Variants in BRINP1 observed in about 807,000 individuals in gnomAD.
BRINP1 encodes the protein BMP/retinoic acid inducible neural specific 1, also known as BMP/retinoic acid-inducible neural-specific protein 1.
A neutral mutation model predicts 72.9 loss-of-function variants in BRINP1; 17 were observed. The observed-to-expected ratio is 0.23, with a 90% CI of 0.16 to 0.35. The LOEUF (loss-of-function observed/expected upper bound fraction) is 0.35, where lower values mean the gene tolerates loss of function less well. Ranked by LOEUF, BRINP1 falls within the 10% of genes least tolerant of loss-of-function variation. BRINP1 has a pLI of 1.00. For missense variants in BRINP1, 850 were observed against 1,001.6 expected (o/e 0.85, Z 2.04); for synonymous variants, 418 against 378.5 (o/e 1.10, Z -1.21).
chr9:119,249,533 G>A (rs1415034393), intron 2 of BRINP1, among the ~76,000 whole-genome samples: 1 of 151,960 alleles, frequency 6.6e-6, no homozygotes, highest in Non-Finnish European at 1.5e-5. Flanking sequence ...AAATTTTCAT[G>A]GTATTTTATA....
At chr9:119,191,093 T>A (rs1049083676) in intron 7 of BRINP1, among the ~76,000 whole-genome samples, 1 of 152,004 alleles carries the variant, frequency 6.6e-6, no homozygotes, top group Non-Finnish European at 1.5e-5. Flanking sequence ...ACATTTTTTC[T>A]TGTTAAAACT....
At chr9:119,359,536 A>G (rs912447378) in intron 1 of BRINP1, among the ~76,000 whole-genome samples, 1 of 152,228 alleles carries the variant, frequency 6.6e-6, no homozygotes, top group African/African-American at 2.4e-5. Context: ...CATTTTACAG[A>G]TAAGAAAACT....
chr9:119,325,019 GAA>G (rs1353299104), intron 1 of BRINP1, among the ~76,000 whole-genome samples: 5 of 152,022 alleles, frequency 3.3e-5, no homozygotes, highest in Non-Finnish European at 7.4e-5. Flanking sequence ...AGAATTGCTT[GAA>G]CCAGGGAGGC....
chr9:119,357,039 T>A (rs1021961838), intron 1 of BRINP1, among the ~76,000 whole-genome samples: 1 of 152,246 alleles, frequency 6.6e-6, no homozygotes, highest in Admixed American at 6.5e-5. Flanking sequence ...TTACATTTAT[T>A]GGTCACATGT....
At position 119,208,772 on chromosome 9, in the gene BRINP1, G is replaced by A. The variant is rs764461621; in HGVS notation, c.1092C>T (p.Phe364=). The change falls in exon 7 of 8, where the codon TTC becomes TTT. Residue 364 remains phenylalanine (F), a synonymous_variant. Coordinates refer to ENST00000265922, the MANE Select transcript of BRINP1 (RefSeq NM_014618.3). ...QKIQRTARKL[F]GLSVRCRHNP... is the part of the protein sequence containing the mutation. ...TGTGGCGACAGCGTACACTGAGGCC[G>A]AAAAGCTTGCGGGCAGTGCGTTGGA... 13 of 1,613,990 alleles carry A rather than the reference G, an allele frequency of 8.1e-6. No individual in the cohort carries two copies. Among genetic ancestry groups the A allele is most frequent in the East Asian group, 2.2e-5 (1 of 44,862 alleles).
chr9:119,208,942 C>A lies in BRINP1; in HGVS notation c.923-1G>T, dbSNP rs1359068244. On this transcript the variant is annotated splice_acceptor_variant, in intron 6 of 7. Coordinates refer to ENST00000265922, the MANE Select transcript of BRINP1 (RefSeq NM_014618.3). LOFTEE classifies it high-confidence loss of function. ...CGCTTCATAAATGATTTAAACTCAT[C>A]TAGTGAGAGACAAAGGCCGAGAGAG... 6.2e-7 allele frequency: 1 copy of A among 1,612,240 alleles called. No individual in the cohort carries two copies. Among genetic ancestry groups the A allele is most frequent in the Admixed American group, 1.7e-5 (1 of 60,016 alleles).
chr9:119,300,520 G>C (rs1246608499), intron 2 of BRINP1, among the ~76,000 whole-genome samples: 2 of 151,874 alleles, frequency 1.3e-5, no homozygotes, highest in African/African-American at 4.8e-5. Context: ...CAAGAATTAA[G>C]AACAAAAAAT....
intron 5 of BRINP1, among the ~76,000 whole-genome samples, chr9:119,229,742 G>C (rs969919955): frequency 2.0e-5 from 3 of 152,120 alleles, no homozygotes; most frequent in Non-Finnish European, 4.4e-5. Context: ...AGGCCCTCAG[G>C]AAATGGTCAT....
chr9:119,369,175 G>A lies in BRINP1; in HGVS notation c.-170C>T. 1 of 398,806 alleles carries A rather than the reference G, an allele frequency of 2.5e-6. No homozygotes were observed. The highest frequency in any genetic ancestry group is 4.4e-6 in the Non-Finnish European group (1 of 226,194). The allele number at this position is 398,806 out of a possible 1,614,324, so 24.7% of individuals were successfully genotyped here. A position where few individuals can be genotyped will look rare whatever the true frequency, so the allele number is the denominator to read the frequency against. On this transcript the variant is annotated 5_prime_UTR_variant, in exon 1 of 8. Coordinates refer to ENST00000265922, the MANE Select transcript of BRINP1 (RefSeq NM_014618.3). ...TTCCGGGCACGGCGCGGGGACTGCA[G>A]GCGTGGGGGTACCTGGCTCCTAGCA...
intron 2 of BRINP1, among the ~76,000 whole-genome samples, chr9:119,261,404 C>T (rs1564231663): frequency 6.6e-6 from 1 of 152,166 alleles, no homozygotes; most frequent in African/African-American, 2.4e-5. Context: ...TGATGGATAA[C>T]TTATGGTAGG....
At chr9:119,201,077 C>T (rs2118862610) in intron 7 of BRINP1, among the ~76,000 whole-genome samples, 1 of 152,264 alleles carries the variant, frequency 6.6e-6, no homozygotes, top group South Asian at 2.1e-4. Flanking sequence ...GTTCTTTCTC[C>T]TAAAAGCAGT....
intron 1 of BRINP1, among the ~76,000 whole-genome samples, chr9:119,315,056 A>G (rs891959112): frequency 6.6e-6 from 1 of 152,086 alleles, no homozygotes; most frequent in African/African-American, 2.4e-5. Context: ...TTTTTTTATT[A>G]ATTTAAAAAA....
chr9:119,199,527 C>T (rs1449313444), intron 7 of BRINP1, among the ~76,000 whole-genome samples: 3 of 152,076 alleles, frequency 2.0e-5, no homozygotes, highest in East Asian at 3.9e-4. Flanking sequence ...GGCTAAGGCT[C>T]GGACTGCTGG....
chr9:119,207,105 A>G (rs1008725387), intron 7 of BRINP1, among the ~76,000 whole-genome samples: 1 of 152,202 alleles, frequency 6.6e-6, no homozygotes, highest in African/African-American at 2.4e-5. Flanking sequence ...TAAGGAAAGG[A>G]TTTTAGATTA....
intron 3 of BRINP1, among the ~76,000 whole-genome samples, chr9:119,243,079 G>A (rs1333657282): frequency 6.6e-6 from 1 of 151,764 alleles, no homozygotes; most frequent in Non-Finnish European, 1.5e-5. Context: ...TAAGTTCTGG[G>A]GTACATGTGC....
intron 2 of BRINP1, among the ~76,000 whole-genome samples, chr9:119,303,291 GAC>G (rs35386714): frequency 0.02 from 2,339 of 117,114 alleles, 26 homozygotes; most frequent in African/African-American, 0.029. Flanking sequence ...CACACACACA[GAC>G]ACACACACAC....
chr9:119,344,743 A>G (rs1274808001), intron 1 of BRINP1, among the ~76,000 whole-genome samples: 1 of 152,182 alleles, frequency 6.6e-6, no homozygotes, highest in Non-Finnish European at 1.5e-5. Flanking sequence ...GCCACCACCT[A>G]AATATGCAAA....
chr9:119,196,079 A>G lies in BRINP1; in HGVS notation c.1145+12640T>C, dbSNP rs113923642. 4.7e-3 allele frequency among the ~76,000 whole-genome samples: 712 copies of G among 152,286 alleles called. 3 individuals are homozygous for G. Among genetic ancestry groups the G allele is most frequent in the Non-Finnish European group, 8.4e-3 (574 of 68,010 alleles). ...TTATTTTCCTCCTTTTCAAAGTCCT[A>G]TAGGATTCACTTAGGGGAACTCATT... On this transcript the variant is annotated intron_variant, in intron 7 of 7. Transcript: ENST00000265922.
At chr9:119,188,578 C>T (rs1315493024) in intron 7 of BRINP1, among the ~76,000 whole-genome samples, 2 of 151,938 alleles carry the variant, frequency 1.3e-5, no homozygotes, top group Admixed American at 1.3e-4. Context: ...GCCTGGCCAA[C>T]ACAGTGAGAC....
Sources: gnomAD v4.1 joint callset for allele counts (sites outside exome capture counted in the v4.1 genomes callset) on GRCh38, gnomAD v4.1.1 for gene constraint, MANE v1.5 for transcripts, NCBI Gene and HGNC (gene_info 2026-07-23, HGNC 2026-07-21) for gene names.